SMYD1: variants seen among roughly 807,000 people sequenced by gnomAD.
The protein encoded by SMYD1 is histone-lysine N-methyltransferase SMYD1.
Under a neutral mutation model 54.0 loss-of-function variants are expected in SMYD1, and 49 were observed. That is an observed-to-expected ratio of 0.91 (90% CI 0.72 to 1.15). The LOEUF (loss-of-function observed/expected upper bound fraction) is 1.15, where lower values mean the gene tolerates loss of function less well. SMYD1 is among the 50% of genes most tolerant of loss of function. The pLI is 0.00. For missense variants in SMYD1, 653 were observed against 639.6 expected (o/e 1.02, Z -0.23); for synonymous variants, 269 against 234.2 (o/e 1.15, Z -1.36).
At chr2:88,070,942 CAAA>C (rs61024525) in intron 1 of SMYD1, among the ~76,000 whole-genome samples, 1,561 of 60,024 alleles carry the variant, frequency 0.026, 10 homozygotes, top group African/African-American at 0.06. Context: ...GACTATTTCT[CAAA>C]AAAAAAAAAA....
At chr2:88,075,226 C>T (rs867006161) in intron 1 of SMYD1, among the ~76,000 whole-genome samples, 4 of 152,162 alleles carry the variant, frequency 2.6e-5, no homozygotes, top group Admixed American at 1.3e-4. Flanking sequence ...AGCTGTATTG[C>T]TAAATATTGC....
intron 1 of SMYD1, among the ~76,000 whole-genome samples, chr2:88,072,433 G>C (rs1261745729): frequency 6.6e-6 from 1 of 151,874 alleles, no homozygotes; most frequent in Non-Finnish European, 1.5e-5. Flanking sequence ...TTACAGGCGT[G>C]AGCCACTGCG....
At chr2:88,106,981 A>G (rs1038807617) in intron 8 of SMYD1, among the ~76,000 whole-genome samples, 4 of 152,208 alleles carry the variant, frequency 2.6e-5, no homozygotes, top group African/African-American at 9.6e-5. Context: ...CGGGAGGATC[A>G]CGAGGTGGGG....
chr2:88,086,745 T>C (rs1674335008), intron 2 of SMYD1, among the ~76,000 whole-genome samples: 1 of 152,136 alleles, frequency 6.6e-6, no homozygotes, highest in African/African-American at 2.4e-5. Context: ...TCATGTTATG[T>C]TTTCAATCAA....
At chr2:88,068,125 T>C in intron 1 of SMYD1, 124 bp downstream of exon 1, 1 of 1,335,272 alleles carries the variant, frequency 7.5e-7, no homozygotes, top group Non-Finnish European at 1.0e-6. Context: ...TTCAACAAAA[T>C]GGCACTTCTG....
At chr2:88,077,398 G>A (rs528895417) in intron 1 of SMYD1, among the ~76,000 whole-genome samples, 29 of 152,336 alleles carry the variant, frequency 1.9e-4, no homozygotes, top group African/African-American at 5.3e-4. Context: ...AGCGTCCGGC[G>A]TCAGGGACCC....
chr2:88,109,913 T>A (rs2104019784), intron 9 of SMYD1, among the ~76,000 whole-genome samples: 1 of 152,214 alleles, frequency 6.6e-6, no homozygotes, highest in Non-Finnish European at 1.5e-5. Context: ...TGTGGGAGGA[T>A]GAGGGCTCTT....
At chr2:88,082,209 C>T (rs1245322635) in intron 1 of SMYD1, among the ~76,000 whole-genome samples, 1 of 152,150 alleles carries the variant, frequency 6.6e-6, no homozygotes, top group Non-Finnish European at 1.5e-5. Flanking sequence ...TAGTGTAATT[C>T]TACTCCTTGC....
chr2:88,072,864 T>C (rs1430750180), intron 1 of SMYD1, among the ~76,000 whole-genome samples: 1 of 152,248 alleles, frequency 6.6e-6, no homozygotes, highest in Admixed American at 6.5e-5. Flanking sequence ...CATAGTATTC[T>C]TTTTGTTGAC....
intron 2 of SMYD1, 88 bp from the exon 3 acceptor site, chr2:88,087,774 G>T: frequency 8.5e-7 from 1 of 1,182,054 alleles, no homozygotes; most frequent in East Asian, 2.6e-5. Flanking sequence ...GCCCAACATT[G>T]TGCCTGGCAT....
chr2:88,091,068 A>C lies in SMYD1; in HGVS notation c.585A>C (p.Val195=), dbSNP rs201437552. ...AGAGAGGCCTGCAGGCCGTGGGCGTAGGCATCTTCCCCAACCTGGGCCTGG... is the reference window on the plus strand; with the variant it reads ...AGAGAGGCCTGCAGGCCGTGGGCGTCGGCATCTTCCCCAACCTGGGCCTGG... The part of the protein sequence containing the change: ...SDQRGLQAVG[V]GIFPNLGLVN... The change falls in exon 4 of 10, where the codon GTA becomes GTC. Residue 195 remains valine, a synonymous_variant. Coordinates refer to ENST00000419482, the MANE Select transcript of SMYD1 (RefSeq NM_198274.4). The C allele has an allele frequency of 2.5e-5, 41 of 1,614,020 alleles. No homozygotes were observed. Among genetic ancestry groups the C allele is most frequent in the Admixed American group, 6.7e-5 (4 of 60,028 alleles).
At chr2:88,098,519 C>T (rs1292080194) in intron 6 of SMYD1, among the ~76,000 whole-genome samples, 1 of 152,112 alleles carries the variant, frequency 6.6e-6, no homozygotes, top group African/African-American at 2.4e-5. Context: ...AATTGAGTTT[C>T]TCTATCAAAA....
At position 88,096,699 on chromosome 2, in the gene SMYD1, A is replaced by T. The variant is rs201191316; in HGVS notation, c.803A>T (p.Lys268Met). The part of the protein sequence containing the change: ...VSEERKRQLK[K>M]QYYFDCTCEH... ...GAAGAACGCAAGAGGCAGCTGAAGA[A>T]GCAGTACTACTTTGACTGCACATGT... The change falls in exon 6 of 10, where the codon AAG becomes ATG. Residue 268 changes from lysine (K) to methionine (M), a missense_variant. Coordinates refer to ENST00000419482, the MANE Select transcript of SMYD1 (RefSeq NM_198274.4). The T allele has an allele frequency of 1.2e-6, 2 of 1,614,226 alleles. No individual in the cohort carries two copies. Among genetic ancestry groups the T allele is most frequent in the Non-Finnish European group, 1.7e-6 (2 of 1,180,040 alleles).
Position 88,093,431 on chromosome 2 carries a change from C to A in SMYD1, c.660-86C>A. On this transcript the variant is annotated intron_variant, in intron 4 of 9. Coordinates refer to ENST00000419482, the MANE Select transcript of SMYD1 (RefSeq NM_198274.4). Reference sequence around the variant, plus strand: ...ATGGCCAAAGCTTTGATACTGTGACCCAGAATGCTGTACACCCTTGCACTG... The same window carrying A: ...ATGGCCAAAGCTTTGATACTGTGACACAGAATGCTGTACACCCTTGCACTG... The A allele has an allele frequency of 2.0e-6, 3 of 1,504,518 alleles. No homozygotes were observed. In the South Asian group the frequency reaches 3.4e-5, roughly 17 times the overall value. 93.2% of individuals were successfully genotyped at this position (1,504,518 alleles called of 1,614,324 possible).
At chr2:88,075,530 A>C (rs1674041094) in intron 1 of SMYD1, among the ~76,000 whole-genome samples, 1 of 141,578 alleles carries the variant, frequency 7.1e-6, no homozygotes, top group African/African-American at 2.5e-5. Flanking sequence ...AGTACCTTTT[A>C]ATTCTTTTTT....
intron 2 of SMYD1, among the ~76,000 whole-genome samples, chr2:88,084,860 C>A (rs536979783): frequency 1.3e-5 from 2 of 152,238 alleles, no homozygotes; most frequent in Admixed American, 1.3e-4. Flanking sequence ...AAGTGATCCT[C>A]CCACTTCAGC....
intron 4 of SMYD1, among the ~76,000 whole-genome samples, chr2:88,093,064 T>G (rs1034155661): frequency 3.9e-5 from 6 of 152,206 alleles, no homozygotes; most frequent in African/African-American, 1.4e-4. Context: ...CCAACAATTT[T>G]TACATACTAT....
At chr2:88,109,426 C>G (rs1674959034) in intron 9 of SMYD1, among the ~76,000 whole-genome samples, 1 of 152,150 alleles carries the variant, frequency 6.6e-6, no homozygotes, top group Non-Finnish European at 1.5e-5. Context: ...GTATGGCTGT[C>G]AGTCTCCTCA....
intron 4 of SMYD1, among the ~76,000 whole-genome samples, chr2:88,091,585 C>T (rs2103997052): frequency 6.6e-6 from 1 of 152,288 alleles, no homozygotes; most frequent in Admixed American, 6.5e-5. Flanking sequence ...TGGCTCATGC[C>T]TGTAATCCCA....
Sources: allele counts gnomAD v4.1 joint callset (sites outside exome capture counted in the v4.1 genomes callset), GRCh38; gene constraint gnomAD v4.1.1; transcripts MANE v1.5; gene names NCBI Gene and HGNC (gene_info 2026-07-23, HGNC 2026-07-21).